Variants in NAV1 observed in about 807,000 individuals in gnomAD.
NAV1 encodes the protein neuron navigator 1.
A neutral mutation model predicts 175.2 loss-of-function variants in NAV1; 18 were observed. That is an observed-to-expected ratio of 0.10 (90% CI 0.07 to 0.15). The LOEUF (loss-of-function observed/expected upper bound fraction) is 0.15. Among genes scored for constraint, NAV1 ranks in the 10% least tolerant of loss-of-function variants. NAV1 has a pLI of 1.00. For missense variants in NAV1, 1,731 were observed against 2,436.6 expected (o/e 0.71, Z 6.10); for synonymous variants, 897 against 978.7 (o/e 0.92, Z 1.56).
At chr1:201,796,994 G>A (rs1677490322) in intron 15 of NAV1, 1 of 152,182 alleles carries the variant, frequency 6.6e-6, no homozygotes, top group African/African-American at 2.4e-5. Context: ...CCATTTTCAT[G>A]AGGCATCATT....
In NAV1 at chr1:201,810,215, A is replaced by AC. The variant is rs1678603038; in HGVS notation, c.4561+110_4561+111insC. 22 of 1,400,342 alleles carry AC rather than the reference A, an allele frequency of 1.6e-5. No individual in the cohort carries two copies. Among genetic ancestry groups the AC allele is most frequent in the Non-Finnish European group, 2.1e-5 (21 of 1,023,098 alleles). The allele number at this position is 1,400,342 out of a possible 1,614,324, so 86.7% of individuals were successfully genotyped here. On this transcript the variant is annotated intron_variant, in intron 23 of 29. Transcript: ENST00000367296. The surrounding 1 kb of genome is among the most constrained non-coding windows in gnomAD (Gnocchi z 6.0). The stretch of plus-strand genomic sequence containing the variant: ...CAAGAACTCACTGAGAAGGTATAAT[A>AC]TGAAGATGCTTAAGTAATGTGAGAT...
intron 1 of NAV1, among the ~76,000 whole-genome samples, chr1:201,703,787 C>A (rs1571895418): frequency 6.6e-6 from 1 of 152,296 alleles, no homozygotes; most frequent in Middle Eastern, 3.4e-3. Context: ...GTGGTCACTG[C>A]CTGCCCTCAG....
At chr1:201,625,612 A>G (rs1271102276) in intron 1 of NAV1, among the ~76,000 whole-genome samples, 1 of 152,218 alleles carries the variant, frequency 6.6e-6, no homozygotes, top group Non-Finnish European at 1.5e-5. Context: ...GAAGCTGATG[A>G]GAGAACTCAA....
At chr1:201,658,641 G>C (rs1378958043) in intron 1 of NAV1, among the ~76,000 whole-genome samples, 1 of 152,154 alleles carries the variant, frequency 6.6e-6, no homozygotes, top group Non-Finnish European at 1.5e-5. Flanking sequence ...GGACTCAACT[G>C]TAGGCTCTGA....
At chr1:201,696,309 C>A (rs1671189509) in intron 1 of NAV1, among the ~76,000 whole-genome samples, 1 of 152,170 alleles carries the variant, frequency 6.6e-6, no homozygotes, top group South Asian at 2.1e-4. Flanking sequence ...GAGGAGGATT[C>A]TGAATGATCT....
At position 201,808,301 on chromosome 1, in the gene NAV1, T is replaced by C; in HGVS notation, c.3846-117T>C. On this transcript the variant is annotated intron_variant, in intron 18 of 29. Transcript: ENST00000367296. The surrounding 1 kb of genome is among the most constrained non-coding windows in gnomAD (Gnocchi z 5.5). ...ACCAACAGATGGACCTTTCTTCTCATGCTGATTGAATATCAATGGGCAGGA... is the reference window on the plus strand; with the variant it reads ...ACCAACAGATGGACCTTTCTTCTCACGCTGATTGAATATCAATGGGCAGGA... 1 of 1,398,534 alleles carries C rather than the reference T, an allele frequency of 7.2e-7. No homozygotes were observed. The highest frequency in any genetic ancestry group is 9.7e-7 in the Non-Finnish European group (1 of 1,028,146). The allele number at this position is 1,398,534 out of a possible 1,614,324, so 86.6% of individuals were successfully genotyped here. A position where few individuals can be genotyped will look rare whatever the true frequency, so the allele number is the denominator to read the frequency against.
chr1:201,540,311 C>A (rs1665475461), intron 1 of NAV1, among the ~76,000 whole-genome samples: 1 of 152,174 alleles, frequency 6.6e-6, no homozygotes, highest in African/African-American at 2.4e-5. Flanking sequence ...AGCTGGATCC[C>A]CCCTTGATAA....
rs577877803 is a variant in NAV1, at chr1:201,789,317, G to A, written c.3167-423G>A. ...ATCTGAATGATCCCCAAGATCCTAA[G>A]CACATCCCCCAGTGCTGAGAGGAGG... is the stretch of plus-strand genomic sequence containing the variant. On this transcript the variant is annotated intron_variant, in intron 10 of 29. Transcript: ENST00000367296. Among the ~76,000 whole-genome samples, 11 of 152,268 alleles carry A rather than the reference G, an allele frequency of 7.2e-5. No individual in the cohort carries two copies. The South Asian group carries it at 2.3e-3, about 32-fold the overall frequency.
chr1:201,603,844 A>G (rs113243970), intron 2 of NAV1, among the ~76,000 whole-genome samples: 1,916 of 152,332 alleles, frequency 0.013, 40 homozygotes, highest in African/African-American at 0.043. Flanking sequence ...GTCTTTGGGC[A>G]TCGGGAACAA....
intron 1 of NAV1, among the ~76,000 whole-genome samples, chr1:201,624,837 G>T (rs1412777816): frequency 6.6e-6 from 1 of 152,006 alleles, no homozygotes; most frequent in African/African-American, 2.4e-5. Context: ...CTTATATTTT[G>T]GGCATAGAAA....
At chr1:201,667,679 G>C (rs1245427666) in intron 1 of NAV1, among the ~76,000 whole-genome samples, 3 of 152,180 alleles carry the variant, frequency 2.0e-5, no homozygotes, top group African/African-American at 7.2e-5. Context: ...TTTTAAAACT[G>C]TCTGAGGTTT....
intron 1 of NAV1, among the ~76,000 whole-genome samples, chr1:201,700,383 C>T (rs183568834): frequency 2.0e-5 from 3 of 152,102 alleles, no homozygotes; most frequent in South Asian, 2.1e-4. Flanking sequence ...AAAACCACAA[C>T]GAGATACCAT....
rs754689689 is a variant in NAV1, at chr1:201,808,053, C to G, written c.3749C>G (p.Ala1250Gly). The G allele has an allele frequency of 6.2e-7, 1 of 1,614,182 alleles. No individual in the cohort carries two copies. Among genetic ancestry groups the G allele is most frequent in the South Asian group, 1.1e-5 (1 of 91,092 alleles). Residue 1250 changes from alanine (A) to glycine (G), a missense_variant, in exon 18 of 30, where the codon GCC (alanine) becomes GGC (glycine). Physicochemically the swap from Ala to Gly is moderately conservative, Grantham distance 60 (BLOSUM62 0). Around this residue, in one of 13 missense-constraint regions of NAV1, gnomAD observed 146 missense variants for 176.8 expected, o/e 0.83. Transcript: ENST00000367296. The surrounding 1 kb of genome is among the most constrained non-coding windows in gnomAD (Gnocchi z 5.5). ...GAGATTGCTACACCCGACTCTTCAG[C>G]CCCCTCATCCCCCAAACTACAGCAT...
intron 1 of NAV1, among the ~76,000 whole-genome samples, chr1:201,584,086 A>G (rs1666954408): frequency 6.6e-6 from 1 of 152,250 alleles, no homozygotes; most frequent in African/African-American, 2.4e-5. Flanking sequence ...ACTAGCATTT[A>G]TGGAACCACT....
In NAV1 at chr1:201,808,976, G is replaced by A; in HGVS notation, c.4207+105G>A. ...TGGTCAGGGCGGTAACAATGCCGAA[G>A]CCAAGCAGATGCCAGTGTCCTAAGA... is the stretch of plus-strand genomic sequence containing the variant. On this transcript the variant is annotated intron_variant, in intron 20 of 29. Coordinates refer to ENST00000367296, the Ensembl canonical transcript of NAV1. This position sits in a 1 kb window ranked among gnomAD's most constrained non-coding sequence, Gnocchi z 5.5. 3 of 1,431,886 alleles carry A rather than the reference G, an allele frequency of 2.1e-6. No individual in the cohort carries two copies. The highest frequency in any genetic ancestry group is 2.9e-6 in the Non-Finnish European group (3 of 1,046,088). 88.7% of individuals were successfully genotyped at this position (1,431,886 alleles called of 1,614,324 possible). A position where few individuals can be genotyped will look rare whatever the true frequency, so the allele number is the denominator to read the frequency against.
chr1:201,615,626 C>T (rs1283420693), intron 2 of NAV1, among the ~76,000 whole-genome samples: 2 of 152,302 alleles, frequency 1.3e-5, no homozygotes, highest in African/African-American at 4.8e-5. Context: ...CTTATCTTTA[C>T]TCTTTCATTG....
intron 3 of NAV1, among the ~76,000 whole-genome samples, chr1:201,758,469 T>C (rs2102624927): frequency 6.6e-6 from 1 of 152,364 alleles, no homozygotes; most frequent in Admixed American, 6.5e-5. Flanking sequence ...ACTTGGAGCA[T>C]GTCACTCTTT....
exon 14 of NAV1, chr1:201,793,803 G>A (rs1677260218): frequency 1.2e-6 from 2 of 1,611,986 alleles, no homozygotes; most frequent in African/African-American, 2.7e-5. Context: ...CTAATCTGGT[G>A]GCTGCTTTTG....
intron 16 of NAV1, among the ~76,000 whole-genome samples, 171 bp downstream of exon 20, chr1:201,803,885 A>G (rs549382256): frequency 3.0e-4 from 46 of 152,048 alleles, no homozygotes; most frequent in Middle Eastern, 3.4e-3. Flanking sequence ...CCTTCCCTCA[A>G]TCATTTCCTA....
Sources: gnomAD v4.1 joint callset for allele counts (sites outside exome capture counted in the v4.1 genomes callset) on GRCh38, gnomAD v4.1.1 for gene constraint, gnomAD v4.1.1 regional missense constraint, Gnocchi (gnomAD v3.1) non-coding constraint, MANE v1.5 for transcripts, NCBI Gene and HGNC (gene_info 2026-07-23, HGNC 2026-07-21) for gene names.